The following SEC14L1 variants were observed in gnomAD, a reference collection of about 807,000 sequenced individuals.
The protein encoded by SEC14L1 is SEC14-like protein 1.
Under a neutral mutation model 85.3 loss-of-function variants are expected in SEC14L1, and 48 were observed. The observed-to-expected ratio is 0.56, with a 90% CI of 0.45 to 0.72. SEC14L1 has a LOEUF of 0.72. Among genes scored for constraint, SEC14L1 ranks in the 30% least tolerant of loss-of-function variants. The pLI, the probability that SEC14L1 is intolerant of heterozygous loss-of-function variation, is 0.00. For missense variants in SEC14L1, 682 were observed against 921.4 expected, an observed-to-expected ratio of 0.74 and a Z score of 3.36; for synonymous variants, 391 against 355.5, an observed-to-expected ratio of 1.10 and a Z score of -1.12.
intron 3 of SEC14L1, among the ~76,000 whole-genome samples, chr17:77,190,140 G>A (rs1975456724): frequency 6.6e-6 from 1 of 152,062 alleles, no homozygotes; most frequent in Admixed American, 6.6e-5. Context: ...TATACAAGGT[G>A]TGAGGTTTAG....
At chr17:77,140,245 G>C (rs528073441), upstream of SEC14L1, among the ~76,000 whole-genome samples, 5 of 152,300 alleles carry the variant, frequency 3.3e-5, no homozygotes, top group South Asian at 1.0e-3. Context: ...TGGCACCCTC[G>C]TTTCCGAGGG....
intron 3 of SEC14L1, among the ~76,000 whole-genome samples, chr17:77,164,985 T>A (rs1250801652): frequency 6.6e-6 from 1 of 152,232 alleles, no homozygotes; most frequent in African/African-American, 2.4e-5. Flanking sequence ...TTCCTTATTC[T>A]GTGGAAAACG....
At chr17:77,116,738 A>G (rs1019351128) in intron 3 of SEC14L1, among the ~76,000 whole-genome samples, 1 of 152,210 alleles carries the variant, frequency 6.6e-6, no homozygotes, top group African/African-American at 2.4e-5. Context: ...TTTATCAGTA[A>G]CAGGATGTTT....
rs764980460 is a variant in SEC14L1, at chr17:77,209,490, C to T, written c.1611+14C>T. Reference sequence around the variant, plus strand: ...GCCCCACATGAGGTACGTCCTCCGCCTTCCTGCACCTGGGCCGGCCCTTCC... The same window carrying T: ...GCCCCACATGAGGTACGTCCTCCGCTTTCCTGCACCTGGGCCGGCCCTTCC... On this transcript the variant is annotated intron_variant, in intron 14 of 16. Transcript: ENST00000436233. 6.2e-7 allele frequency: 1 copy of T among 1,612,348 alleles called. No individual in the cohort carries two copies. The highest frequency in any genetic ancestry group is 8.5e-7 in the Non-Finnish European group (1 of 1,179,544).
intron 14 of SEC14L1, chr17:77,211,673 C>G (rs1976757978): frequency 4.2e-6 from 2 of 481,056 alleles, no homozygotes; most frequent in South Asian, 4.3e-5. Flanking sequence ...GACCTGGCCT[C>G]TTAGAGTGTG....
At chr17:77,149,076 A>G (rs1973440423) in intron 3 of SEC14L1, among the ~76,000 whole-genome samples, 1 of 151,734 alleles carries the variant, frequency 6.6e-6, no homozygotes, top group South Asian at 2.1e-4. Flanking sequence ...GATCTTACCC[A>G]TCTTGTCCTT....
chr17:77,180,387 C>T (rs74491978), intron 3 of SEC14L1, among the ~76,000 whole-genome samples: 8 of 151,712 alleles, frequency 5.3e-5, no homozygotes, highest in South Asian at 2.1e-4. Flanking sequence ...CCACTGCACC[C>T]GGCTTGTTTT....
intron 3 of SEC14L1, 49 bp from the exon 4 acceptor site, chr17:77,190,754 C>A: frequency 6.2e-7 from 1 of 1,600,962 alleles, no homozygotes; most frequent in Non-Finnish European, 8.6e-7. Context: ...GGCAGGACAT[C>A]AGGTTGTGTC....
intron 3 of SEC14L1, among the ~76,000 whole-genome samples, chr17:77,165,905 G>A (rs1043163450): frequency 1.3e-5 from 2 of 152,192 alleles, no homozygotes; most frequent in African/African-American, 4.8e-5. Context: ...CCAAAGTTTA[G>A]TAGAAAAGAT....
At chr17:77,175,488 C>G (rs1004046931) in intron 3 of SEC14L1, among the ~76,000 whole-genome samples, 2 of 152,252 alleles carry the variant, frequency 1.3e-5, no homozygotes, top group Non-Finnish European at 2.9e-5. Flanking sequence ...TGTTGCTATG[C>G]AACCCAGATG....
At chr17:77,099,554 C>T (rs1315685018) in intron 3 of SEC14L1, among the ~76,000 whole-genome samples, 2 of 152,104 alleles carry the variant, frequency 1.3e-5, no homozygotes, top group African/African-American at 2.4e-5. Context: ...GTCAGGAGTT[C>T]GAGGCAAGCC....
At chr17:77,094,899 A>T (rs1339182745) in intron 3 of SEC14L1, 1 of 152,238 alleles carries the variant, frequency 6.6e-6, no homozygotes, top group Non-Finnish European at 1.5e-5. Flanking sequence ...TAATTGCCCA[A>T]AGTAATATAT....
At chr17:77,146,162 G>A (rs1973293347) in intron 3 of SEC14L1, among the ~76,000 whole-genome samples, 2 of 152,308 alleles carry the variant, frequency 1.3e-5, no homozygotes, top group South Asian at 4.1e-4. Context: ...TGTTCAGTGA[G>A]CTGGGCTGGT....
chr17:77,166,708 G>A (rs1243028772), intron 3 of SEC14L1, among the ~76,000 whole-genome samples: 3 of 152,046 alleles, frequency 2.0e-5, no homozygotes, highest in South Asian at 2.1e-4. Context: ...GCTGGGTGGC[G>A]CACACCTGTA....
chr17:77,201,426 T>G (rs1188267127), intron 9 of SEC14L1, among the ~76,000 whole-genome samples: 2 of 151,718 alleles, frequency 1.3e-5, no homozygotes, highest in Non-Finnish European at 2.9e-5. Flanking sequence ...TTAAAAAGTT[T>G]GGTAGTAAGA....
rs1273587875 is a variant in SEC14L1, at chr17:77,203,690, A to C, written c.1098+32A>C. The C allele has an allele frequency of 1.9e-6, 3 of 1,561,772 alleles. No individual in the cohort carries two copies. In the South Asian group the frequency reaches 3.4e-5, roughly 18 times the overall value. ...GCGCGGCTGCGAGACTCCAGGTGCC[A>C]CTGTGGCGTCACTTTTTTTCTCTGC... is the stretch of plus-strand genomic sequence containing the variant. On this transcript the variant is annotated intron_variant, in intron 10 of 16. Coordinates refer to ENST00000436233, the MANE Select transcript of SEC14L1 (RefSeq NM_001143998.2).
At chr17:77,154,377 A>T (rs1043747526) in intron 3 of SEC14L1, among the ~76,000 whole-genome samples, 1 of 152,190 alleles carries the variant, frequency 6.6e-6, no homozygotes, top group Non-Finnish European at 1.5e-5. Flanking sequence ...AGGAGACTTG[A>T]GACAGGATTG....
chr17:77,147,311 A>G (rs1973358483), intron 3 of SEC14L1, among the ~76,000 whole-genome samples: 1 of 152,148 alleles, frequency 6.6e-6, no homozygotes, highest in Non-Finnish European at 1.5e-5. Flanking sequence ...CAGGTCAGAT[A>G]TGTTAATTGC....
chr17:77,121,362 C>T (rs746729460), intron 3 of SEC14L1, among the ~76,000 whole-genome samples: 30 of 152,128 alleles, frequency 2.0e-4, no homozygotes, highest in Admixed American at 1.3e-4. Flanking sequence ...ATATCATGTG[C>T]ACTATCTTTT....
Sources: gnomAD v4.1 joint callset for allele counts (sites outside exome capture counted in the v4.1 genomes callset) on GRCh38, gnomAD v4.1.1 for gene constraint, MANE v1.5 for transcripts, NCBI Gene and HGNC (gene_info 2026-07-23, HGNC 2026-07-21) for gene names.